NOX4: variants seen among roughly 807,000 people sequenced by gnomAD.
NOX4 encodes kidney oxidase-1.
NOX4 carries 69 observed loss-of-function variants against 87.6 expected under a neutral mutation model. The observed-to-expected ratio is 0.79, with a 90% CI of 0.65 to 0.96. NOX4 has a LOEUF of 0.96. Ranked by LOEUF, NOX4 falls within the 40% of genes least tolerant of loss-of-function variation. NOX4 has a pLI of 0.00. For missense variants in NOX4, 680 were observed against 681.5 expected (o/e 1.00, Z 0.02); for synonymous variants, 275 against 238.2 (o/e 1.15, Z -1.42).
At chr11:89,442,599 G>T (rs1182769718) in intron 5 of NOX4, among the ~76,000 whole-genome samples, 1 of 151,970 alleles carries the variant, frequency 6.6e-6, no homozygotes, top group Admixed American at 6.6e-5. Context: ...AAATCGCCAA[G>T]GAATATATAC....
chr11:89,533,048 C>G, the NOX4 span, among the ~76,000 whole-genome samples: 1 of 152,048 alleles, frequency 6.6e-6, no homozygotes, highest in Non-Finnish European at 1.5e-5. Flanking sequence ...TTCTTCATAG[C>G]AATGTGAAAA....
chr11:89,542,765 A>AAAATTGCCTC, the NOX4 span, among the ~76,000 whole-genome samples: 3 of 152,156 alleles, frequency 2.0e-5, no homozygotes, highest in Non-Finnish European at 4.4e-5. Flanking sequence ...GTTTCTAATT[A>AAAATTGCCTC]AAGTGTTGAG....
Position 89,446,783 on chromosome 11 carries a change from G to C in NOX4, c.350-2551C>G, listed in dbSNP as rs147340835. ...GCAATGAACTATTCTGCATGGTACA[G>C]TAATGGTGGGTACAGGTCATTACAC... On this transcript the variant is annotated intron_variant, in intron 4 of 17. Coordinates refer to ENST00000263317, the MANE Select transcript of NOX4 (RefSeq NM_016931.5). Among the ~76,000 whole-genome samples, 334 of 152,264 alleles carry C rather than the reference G, an allele frequency of 2.2e-3. 1 individual carries two copies. The highest frequency in any genetic ancestry group is 7.8e-3 in the African/African-American group (324 of 41,568).
intron 12 of NOX4, among the ~76,000 whole-genome samples, chr11:89,364,808 T>G (rs1345102269): frequency 6.6e-6 from 1 of 152,104 alleles, no homozygotes; most frequent in Non-Finnish European, 1.5e-5. Flanking sequence ...ATTATACCAC[T>G]TTACAGCAAT....
intron 2 of NOX4, among the ~76,000 whole-genome samples, chr11:89,453,816 A>C (rs1945069599): frequency 6.6e-6 from 1 of 152,218 alleles, no homozygotes; most frequent in Non-Finnish European, 1.5e-5. Context: ...CATTTATACT[A>C]TTAACCCCCA....
chr11:89,443,127 C>G (rs1313243404), intron 5 of NOX4, among the ~76,000 whole-genome samples: 1 of 152,078 alleles, frequency 6.6e-6, no homozygotes. Context: ...TGCCTCCCAT[C>G]CAAGACTAAT....
rs113935599 is a variant in NOX4, at chr11:89,451,642, T to G, written c.264+143A>C. The G allele has an allele frequency of 5.4e-5, 33 of 606,556 alleles. 1 individual carries two copies. The highest frequency in any genetic ancestry group is 4.1e-4 in the African/African-American group (22 of 54,158). The allele number at this position is 606,556 out of a possible 1,614,324, so 37.6% of individuals were successfully genotyped here. Reference sequence around the variant, plus strand: ...TTGCAGAATAACTCACAGATCATCTTGGCAGGTGACATGTCTTTTACCATC... The same window carrying G: ...TTGCAGAATAACTCACAGATCATCTGGGCAGGTGACATGTCTTTTACCATC... On this transcript the variant is annotated intron_variant, in intron 3 of 17. Transcript: ENST00000263317.
chr11:89,491,021 G>A (rs1171000028), intron 1 of NOX4, 169 bp downstream of exon 1: 1 of 761,946 alleles, frequency 1.3e-6, no homozygotes, highest in East Asian at 2.7e-5. Flanking sequence ...CGAGGGGGTG[G>A]GAGGGGGAGT....
upstream of NOX4, among the ~76,000 whole-genome samples, chr11:89,496,751 A>C (rs1286800479): frequency 6.6e-6 from 1 of 152,158 alleles, no homozygotes; most frequent in Non-Finnish European, 1.5e-5. Flanking sequence ...AGAAATACTG[A>C]CTGCCTTCAG....
chr11:89,427,539 G>C (rs1273028787), intron 7 of NOX4, among the ~76,000 whole-genome samples: 3 of 152,094 alleles, frequency 2.0e-5, no homozygotes, highest in Non-Finnish European at 4.4e-5. Flanking sequence ...TGACCTGATG[G>C]AGCTGAAAAC....
the NOX4 span, among the ~76,000 whole-genome samples, chr11:89,543,375 T>C: frequency 6.6e-6 from 1 of 152,158 alleles, no homozygotes; most frequent in Admixed American, 6.5e-5. Context: ...TTTCCCCTAT[T>C]GTTCTACATA....
intron 11 of NOX4, among the ~76,000 whole-genome samples, chr11:89,384,436 A>G (rs1322675347): frequency 6.6e-6 from 1 of 152,126 alleles, no homozygotes; most frequent in Non-Finnish European, 1.5e-5. Flanking sequence ...ATAATTCTTC[A>G]TGAAAACACA....
intron 8 of NOX4, among the ~76,000 whole-genome samples, chr11:89,416,351 T>C (rs957290847): frequency 1.3e-5 from 2 of 152,290 alleles, no homozygotes; most frequent in Admixed American, 6.5e-5. Context: ...GAGGAGCAAG[T>C]GCCTCCCACC....
chr11:89,553,534 C>T, the NOX4 span, among the ~76,000 whole-genome samples: 1 of 152,010 alleles, frequency 6.6e-6, no homozygotes, highest in East Asian at 1.9e-4. Flanking sequence ...CTATTTACAG[C>T]AGAGGAAATC....
intron 11 of NOX4, among the ~76,000 whole-genome samples, chr11:89,379,695 G>A (rs928454857): frequency 2.6e-5 from 4 of 151,996 alleles, no homozygotes; most frequent in South Asian, 2.1e-4. Context: ...CCAGTTGCTC[G>A]GACCAAAAAC....
upstream of NOX4, among the ~76,000 whole-genome samples, chr11:89,494,911 G>T (rs949461437): frequency 6.6e-6 from 1 of 152,098 alleles, no homozygotes; most frequent in Non-Finnish European, 1.5e-5. Context: ...AGTATTATTG[G>T]TTCAAAATCA....
At chr11:89,394,591 T>C (rs1565232846) in intron 11 of NOX4, among the ~76,000 whole-genome samples, 2 of 152,106 alleles carry the variant, frequency 1.3e-5, no homozygotes, top group African/African-American at 4.8e-5. Flanking sequence ...CCACGTTGGT[T>C]TGCTGCACCC....
At chr11:89,438,382 A>T (rs1944199133) in intron 6 of NOX4, among the ~76,000 whole-genome samples, 1 of 114,512 alleles carries the variant, frequency 8.7e-6, no homozygotes, top group African/African-American at 3.5e-5. Context: ...TATAATATAT[A>T]ATATATAATT....
At chr11:89,528,054 T>C in the NOX4 span, among the ~76,000 whole-genome samples, 1 of 152,190 alleles carries the variant, frequency 6.6e-6, no homozygotes, top group Admixed American at 6.5e-5. Flanking sequence ...AACTCACCTC[T>C]TGCATCAGTG....
Sources: gnomAD v4.1 joint callset for allele counts (sites outside exome capture counted in the v4.1 genomes callset) on GRCh38, gnomAD v4.1.1 for gene constraint, MANE v1.5 for transcripts, NCBI Gene and HGNC (gene_info 2026-07-23, HGNC 2026-07-21) for gene names.